Variants in POLD3 observed in about 807,000 individuals in gnomAD.
POLD3 encodes the protein DNA polymerase delta subunit 3.
Under a neutral mutation model 58.2 loss-of-function variants are expected in POLD3, and 19 were observed. The ratio of observed to expected loss-of-function variants is 0.33; its 90% confidence interval spans 0.23 to 0.48. The LOEUF (loss-of-function observed/expected upper bound fraction) is 0.48. POLD3 is among the 20% of genes least tolerant of loss of function. The pLI, the probability that POLD3 is intolerant of heterozygous loss-of-function variation, is 0.99. For missense variants in POLD3, 504 were observed against 545.5 expected, an observed-to-expected ratio of 0.92 and a Z score of 0.76; for synonymous variants, 172 against 193.5, an observed-to-expected ratio of 0.89 and a Z score of 0.92.
intron 7 of POLD3, among the ~76,000 whole-genome samples, chr11:74,621,861 A>ATT (rs2032270811): frequency 6.6e-6 from 1 of 151,138 alleles, no homozygotes; most frequent in Non-Finnish European, 1.5e-5. Context: ...TTATTTATTT[A>ATT]TTTATTTATT....
intron 2 of POLD3, 132 bp downstream of exon 2, chr11:74,594,248 T>G: frequency 1.6e-6 from 1 of 637,948 alleles, no homozygotes; most frequent in Non-Finnish European, 2.8e-6. Context: ...TTGGTATTTC[T>G]TGGCTTGTAG....
chr11:74,612,746 G>A (rs756120901), intron 4 of POLD3, 132 bp from the exon 5 acceptor site: 3 of 652,736 alleles, frequency 4.6e-6, no homozygotes, highest in African/African-American at 1.8e-5. Flanking sequence ...TGTATATGTG[G>A]CTGTGTGGCC....
At chr11:74,592,830 G>T in intron 1 of POLD3, 112 bp downstream of exon 1, 2 of 1,532,734 alleles carry the variant, frequency 1.3e-6, no homozygotes, top group Non-Finnish European at 1.8e-6. Context: ...GACCAGGGGA[G>T]ACAGGTCCCC....
intron 2 of POLD3, among the ~76,000 whole-genome samples, chr11:74,601,248 C>T (rs1294433795): frequency 1.3e-5 from 2 of 152,150 alleles, no homozygotes; most frequent in Admixed American, 6.5e-5. Flanking sequence ...AAACTAGCAT[C>T]AATAAACCAA....
At chr11:74,637,016 C>T (rs1053412067) in intron 11 of POLD3, among the ~76,000 whole-genome samples, 1 of 152,146 alleles carries the variant, frequency 6.6e-6, no homozygotes, top group African/African-American at 2.4e-5. Context: ...GATCCTGGTA[C>T]TGTATTTTTG....
chr11:74,630,703 T>A (rs567848598), intron 9 of POLD3, among the ~76,000 whole-genome samples: 13 of 152,258 alleles, frequency 8.5e-5, no homozygotes, highest in Non-Finnish European at 1.3e-4. Flanking sequence ...GAATAGGTGC[T>A]AATTGGAACA....
chr11:74,668,331 A>C (rs1476810388), intron 4 of POLD3, among the ~76,000 whole-genome samples: 1 of 152,234 alleles, frequency 6.6e-6, no homozygotes, highest in African/African-American at 2.4e-5. Flanking sequence ...CCATATGTCT[A>C]TAAGGTGATG....
At chr11:74,668,690 G>A (rs2033301349) in intron 4 of POLD3, 1 of 961,666 alleles carries the variant, frequency 1.0e-6, no homozygotes, top group African/African-American at 1.7e-5. Flanking sequence ...GCCCGGAGTA[G>A]CTAGGAGGGA....
downstream of POLD3, among the ~76,000 whole-genome samples, chr11:74,646,638 G>A (rs949721549): frequency 4.6e-5 from 7 of 152,190 alleles, no homozygotes; most frequent in Admixed American, 4.6e-4. Context: ...TGTTTTCCTT[G>A]AAAAAGCTTG....
intron 5 of POLD3, among the ~76,000 whole-genome samples, chr11:74,617,699 CTCT>C (rs1487904339): frequency 6.6e-6 from 1 of 152,130 alleles, no homozygotes; most frequent in Admixed American, 6.6e-5. Context: ...TGCACCTGGC[CTCT>C]TCTTTGTTTT....
rs947214783 is a variant in POLD3, at chr11:74,640,840, A to G, written c.*74A>G. 31 of 1,387,404 alleles carry G rather than the reference A, an allele frequency of 2.2e-5. No individual in the cohort carries two copies. Among genetic ancestry groups the G allele is most frequent in the Non-Finnish European group, 2.4e-5 (26 of 1,065,160 alleles). The allele number at this position is 1,387,404 out of a possible 1,614,324, so 85.9% of individuals were successfully genotyped here. A position where few individuals can be genotyped will look rare whatever the true frequency, so the allele number is the denominator to read the frequency against. On this transcript the variant is annotated 3_prime_UTR_variant, in exon 12 of 12. Coordinates refer to ENST00000263681, the MANE Select transcript of POLD3 (RefSeq NM_006591.3). Reference sequence around the variant, plus strand: ...CCAAGAAATGTACTCCTCACTTACTATGTAAGTTCATCTAGATCTCCACCT... The same window carrying G: ...CCAAGAAATGTACTCCTCACTTACTGTGTAAGTTCATCTAGATCTCCACCT...
intron 5 of POLD3, among the ~76,000 whole-genome samples, chr11:74,614,602 C>T (rs1280067128): frequency 1.3e-5 from 2 of 151,822 alleles, no homozygotes; most frequent in African/African-American, 4.8e-5. Context: ...CCCAGCTGCT[C>T]AGGAGGCTGA....
At position 74,641,965 on chromosome 11, in the gene POLD3, A is replaced by T. The variant is rs1257986205; in HGVS notation, c.*1199A>T. On this transcript the variant is annotated 3_prime_UTR_variant, in exon 12 of 12. Coordinates refer to ENST00000263681, the MANE Select transcript of POLD3 (RefSeq NM_006591.3). ...TTCAAGTGACTTCCATTATGGCTGG[A>T]CAGGCGGTGAGCTCAGTGGATTGCA... 4.1e-6 allele frequency: 4 copies of T among 985,452 alleles called. No homozygotes were observed. The highest frequency in any genetic ancestry group is 4.8e-6 in the Non-Finnish European group (4 of 829,944). 61.0% of individuals were successfully genotyped at this position (985,452 alleles called of 1,614,324 possible). A position where few individuals can be genotyped will look rare whatever the true frequency, so the allele number is the denominator to read the frequency against.
At chr11:74,604,062 G>A (rs2031592336) in intron 2 of POLD3, among the ~76,000 whole-genome samples, 1 of 152,140 alleles carries the variant, frequency 6.6e-6, no homozygotes, top group African/African-American at 2.4e-5. Context: ...ATTCTGAACC[G>A]GCATTAAATC....
Position 74,641,423 on chromosome 11 carries a change from C to G in POLD3, c.*657C>G, listed in dbSNP as rs534906438. 7.1e-6 allele frequency: 7 copies of G among 985,386 alleles called. No homozygotes were observed. Among genetic ancestry groups the G allele is most frequent in the Admixed American group, 6.1e-5 (1 of 16,284 alleles). 61.0% of individuals were successfully genotyped at this position (985,386 alleles called of 1,614,324 possible). ...AAAAGCTCTCTGGGACCTTCACTTG[C>G]AATTAGTGGTTAGGGAAAAGCCTCA... On this transcript the variant is annotated 3_prime_UTR_variant, in exon 12 of 12. Coordinates refer to ENST00000263681, the MANE Select transcript of POLD3 (RefSeq NM_006591.3).
chr11:74,643,988 A>G (rs2032969252), downstream of POLD3, among the ~76,000 whole-genome samples: 1 of 152,206 alleles, frequency 6.6e-6, no homozygotes, highest in South Asian at 2.1e-4. Flanking sequence ...CTGTAGCAGA[A>G]TCAATTTTTT....
At chr11:74,634,735 T>TAAGACACAAAGGA in intron 10 of POLD3, 40 bp downstream of exon 10, 2 of 1,176,726 alleles carry the variant, frequency 1.7e-6, no homozygotes, top group South Asian at 1.2e-5. Context: ...CATGCATCCT[T>TAAGACACAAAGGA]TGTGTCTTAA....
At chr11:74,639,839 AC>A (rs2032862278) in intron 11 of POLD3, among the ~76,000 whole-genome samples, 1 of 152,198 alleles carries the variant, frequency 6.6e-6, no homozygotes, top group Admixed American at 6.5e-5. Context: ...AAAACTGGTA[AC>A]TTTGTTTCTC....
At chr11:74,617,322 T>C (rs1354234932) in intron 5 of POLD3, among the ~76,000 whole-genome samples, 1 of 152,240 alleles carries the variant, frequency 6.6e-6, no homozygotes, top group East Asian at 1.9e-4. Context: ...CTGTTAGTAT[T>C]ATTAGAAATT....
Sources: gnomAD v4.1 joint callset for allele counts (sites outside exome capture counted in the v4.1 genomes callset) on GRCh38, gnomAD v4.1.1 for gene constraint, MANE v1.5 for transcripts, NCBI Gene and HGNC (gene_info 2026-07-23, HGNC 2026-07-21) for gene names.